The following HRH2 variants were observed in gnomAD, a reference collection of about 807,000 sequenced individuals.
HRH2 encodes histamine H2 receptor.
HRH2 carries 4 observed loss-of-function variants against 20.1 expected under a neutral mutation model. The ratio of observed to expected loss-of-function variants is 0.20; its 90% confidence interval spans 0.10 to 0.45. The LOEUF (loss-of-function observed/expected upper bound fraction) is 0.45. Ranked by LOEUF, HRH2 falls within the 20% of genes least tolerant of loss-of-function variation. HRH2 has a pLI of 0.99. For synonymous variants in HRH2, 197 were observed against 200.7 expected (o/e 0.98, Z 0.16); for missense variants, 250 against 461.6 (o/e 0.54, Z 4.20).
chr5:175,695,955 A>G (rs1214186080), intron 2 of HRH2, among the ~76,000 whole-genome samples: 1 of 152,262 alleles, frequency 6.6e-6, no homozygotes, highest in African/African-American at 2.4e-5. Flanking sequence ...TACACCCAAG[A>G]CACAGCGCTC....
chr5:175,707,929 TC>T lies in HRH2; in HGVS notation c.1231del (p.Gln411ArgfsTer4). On this transcript the variant is annotated frameshift_variant, in exon 3 of 3. Coordinates refer to ENST00000636584, the MANE Select transcript of HRH2 (RefSeq NM_001367711.1). LOFTEE classifies it high-confidence loss of function. Reference protein sequence around the residue: ...PLSEEPQKRPPQKAVRTLPSE... With the variant: ...PLSEEPQKRPXQKAVRTLPSE... ...TGTCTGAGGAGCCACAGAAGAGACC[TC>T]CCCAGAAAGCGGTGAGGACGCTGCC... is the stretch of plus-strand genomic sequence containing the variant. 2.5e-6 allele frequency: 1 copy of T among 399,052 alleles called. No individual in the cohort carries two copies. Among genetic ancestry groups the T allele is most frequent in the Non-Finnish European group, 4.4e-6 (1 of 226,112 alleles). The allele number at this position is 399,052 out of a possible 1,614,324, so 24.7% of individuals were successfully genotyped here. A position where few individuals can be genotyped will look rare whatever the true frequency, so the allele number is the denominator to read the frequency against.
rs1178832727 is a variant in HRH2 at position 175,708,630 on chromosome 5, T to C, written c.*659T>C. The stretch of plus-strand genomic sequence containing the variant: ...CTAGCACATAGGAGGCACACAAAAA[T>C]ATGTGTTGAATGGGTGAATGAATGA... On this transcript the variant is annotated 3_prime_UTR_variant, in exon 3 of 3. Transcript: ENST00000636584. The C allele has an allele frequency of 6.6e-6, 1 of 152,088 alleles. No homozygotes were observed. The highest frequency in any genetic ancestry group is 1.5e-5 in the Non-Finnish European group (1 of 68,070). 9.4% of individuals were successfully genotyped at this position (152,088 alleles called of 1,614,324 possible). A position where few individuals can be genotyped will look rare whatever the true frequency, so the allele number is the denominator to read the frequency against.
chr5:175,696,655 G>A (rs1756590777), intron 2 of HRH2, among the ~76,000 whole-genome samples: 1 of 152,238 alleles, frequency 6.6e-6, no homozygotes, highest in Non-Finnish European at 1.5e-5. Context: ...GGATGGCAGG[G>A]AGGTGGGGGA....
chr5:175,658,745 C>A (rs1762646858), intron 1 of HRH2, among the ~76,000 whole-genome samples: 1 of 152,150 alleles, frequency 6.6e-6, no homozygotes, highest in Non-Finnish European at 1.5e-5. Flanking sequence ...CAACAGGCAG[C>A]GCTCAGCGGG....
chr5:175,696,590 C>A (rs1756586495), intron 2 of HRH2, among the ~76,000 whole-genome samples: 1 of 152,188 alleles, frequency 6.6e-6, no homozygotes. Context: ...AGGGCCTCCT[C>A]CATGCACACT....
Position 175,698,141 on chromosome 5 carries a change from G to A in HRH2, c.1077-9638G>A, listed in dbSNP as rs1410178628. On this transcript the variant is annotated intron_variant, in intron 2 of 2. Transcript: ENST00000636584. ...TACACTGGCACACCGACCTGCACAC[G>A]CTCGCTTACAGGCTCACGTTATGCA... is the stretch of plus-strand genomic sequence containing the variant. Among the ~76,000 whole-genome samples, 8 of 152,242 alleles carry A rather than the reference G, an allele frequency of 5.3e-5. No homozygotes were observed. The East Asian group carries it at 9.6e-4, about 18-fold the overall frequency.
At chr5:175,705,608 T>A (rs892602476) in intron 2 of HRH2, among the ~76,000 whole-genome samples, 26 of 152,262 alleles carry the variant, frequency 1.7e-4, no homozygotes, top group African/African-American at 6.3e-4. Context: ...GTTTGTTTTT[T>A]AACTGCTTCT....
chr5:175,661,490 G>A (rs565597600), intron 1 of HRH2, among the ~76,000 whole-genome samples: 13 of 152,284 alleles, frequency 8.5e-5, no homozygotes, highest in East Asian at 5.8e-4. Context: ...AGTAACATGC[G>A]TTCAGCCACT....
chr5:175,689,904 G>A lies in HRH2; in HGVS notation c.1076+5595G>A, dbSNP rs12520995. Among the ~76,000 whole-genome samples the A allele has an allele frequency of 3.3e-5, 5 of 152,320 alleles. No homozygotes were observed. The South Asian group carries it at 6.2e-4, about 19-fold the overall frequency. ...GTCCTGGTTTGGCCAGAAGTCAGGG[G>A]CACAGCTTGAGGAGCAAGGCTGACT... On this transcript the variant is annotated intron_variant, in intron 2 of 2. Coordinates refer to ENST00000636584, the MANE Select transcript of HRH2 (RefSeq NM_001367711.1).
Position 175,693,173 on chromosome 5 carries a change from G to C in HRH2, c.1076+8864G>C, listed in dbSNP as rs970564645. ...AGTTGTCCCTGTCCCTGAAGCAGCA[G>C]TGGTGAGTCACAGGGCTCCCTGTTT... On this transcript the variant is annotated intron_variant, in intron 2 of 2. Transcript: ENST00000636584. This position sits in a 1 kb window ranked among gnomAD's most constrained non-coding sequence, Gnocchi z 4.4. Among the ~76,000 whole-genome samples the C allele has an allele frequency of 6.6e-6, 1 of 152,254 alleles. No homozygotes were observed. Among genetic ancestry groups the C allele is most frequent in the Admixed American group, 6.5e-5 (1 of 15,290 alleles).
In HRH2 at chr5:175,683,272, C is replaced by G; in HGVS notation, c.39C>G (p.Asp13Glu). 1 of 1,614,142 alleles carries G rather than the reference C, an allele frequency of 6.2e-7. No homozygotes were observed. Among genetic ancestry groups the G allele is most frequent in the Non-Finnish European group, 8.5e-7 (1 of 1,180,026 alleles). Reference sequence around the variant, plus strand: ...GCACAGCCTCTTCCTTTTGCCTGGACTCTACCGCATGCAAGATCACCATCA... The same window carrying G: ...GCACAGCCTCTTCCTTTTGCCTGGAGTCTACCGCATGCAAGATCACCATCA... ...PNGTASSFCL[D>E]STACKITITV... Residue 13 changes from aspartate to glutamate, a missense_variant, in exon 2 of 3, where the codon GAC becomes GAG. Coordinates refer to ENST00000636584, the MANE Select transcript of HRH2 (RefSeq NM_001367711.1).
chr5:175,681,910 CAG>C lies in HRH2; in HGVS notation c.-525-798_-525-797del, dbSNP rs1755989512. Among the ~76,000 whole-genome samples the C allele has an allele frequency of 6.6e-6, 1 of 152,184 alleles. No individual in the cohort carries two copies. The highest frequency in any genetic ancestry group is 2.4e-5 in the African/African-American group (1 of 41,434). ...TTCGGAGCAGGGGTGGCGTGGATGA[CAG>C]GTGACGAACTGCCGATTAAATCTGG... On this transcript the variant is annotated intron_variant, in intron 1 of 2. Coordinates refer to ENST00000636584, the MANE Select transcript of HRH2 (RefSeq NM_001367711.1). This position sits in a 1 kb window ranked among gnomAD's most constrained non-coding sequence, Gnocchi z 4.3.
intron 1 of HRH2, among the ~76,000 whole-genome samples, chr5:175,669,770 G>A (rs1405610685): frequency 2.6e-5 from 4 of 152,172 alleles, no homozygotes; most frequent in South Asian, 2.1e-4. Context: ...CCTAACACCC[G>A]ATTCGCATTC....
intron 1 of HRH2, among the ~76,000 whole-genome samples, chr5:175,659,003 C>T (rs1369396158): frequency 1.3e-5 from 2 of 152,208 alleles, no homozygotes; most frequent in Non-Finnish European, 2.9e-5. Context: ...CAGATAGGCC[C>T]AGTCCTGGAG....
At chr5:175,694,399 A>C (rs1397572082) in intron 2 of HRH2, among the ~76,000 whole-genome samples, 1 of 151,812 alleles carries the variant, frequency 6.6e-6, no homozygotes, top group Non-Finnish European at 1.5e-5. Context: ...GCCACTCCAG[A>C]CCTGTCTTGT....
chr5:175,664,807 AT>A, intron 1 of HRH2, among the ~76,000 whole-genome samples: 1 of 151,916 alleles, frequency 6.6e-6, no homozygotes, highest in Non-Finnish European at 1.5e-5. Flanking sequence ...ATGCTGCTTT[AT>A]TTTTTTCTTT....
intron 2 of HRH2, among the ~76,000 whole-genome samples, chr5:175,705,666 C>CTT (rs771508609): frequency 1.4e-5 from 2 of 142,328 alleles, no homozygotes; most frequent in African/African-American, 2.6e-5. Context: ...CCAGAGTAGA[C>CTT]TTTTTTTTTT....
intron 2 of HRH2, among the ~76,000 whole-genome samples, chr5:175,690,855 T>A (rs1756348088): frequency 6.6e-6 from 1 of 152,222 alleles, no homozygotes; most frequent in Admixed American, 6.5e-5. Context: ...GAACAGGTGC[T>A]CTTCTGTGCC....
intron 1 of HRH2, among the ~76,000 whole-genome samples, chr5:175,658,826 A>G (rs1294460641): frequency 6.6e-6 from 1 of 152,148 alleles, no homozygotes; most frequent in Non-Finnish European, 1.5e-5. Flanking sequence ...GGCCTCTGAT[A>G]GGAATCCCAA....
Sources: allele counts gnomAD v4.1 joint callset (sites outside exome capture counted in the v4.1 genomes callset), GRCh38; gene constraint gnomAD v4.1.1; non-coding constraint Gnocchi (gnomAD v3.1); transcripts MANE v1.5; gene names NCBI Gene and HGNC (gene_info 2026-07-23, HGNC 2026-07-21).